GLRA2: variants seen among roughly 807,000 people sequenced by gnomAD.
The protein encoded by GLRA2 is glycine receptor alpha 2.
In GLRA2, 11 loss-of-function variants were observed where a neutral mutation model predicts 31.6. The ratio of observed to expected loss-of-function variants is 0.35; its 90% CI spans 0.22 to 0.58. GLRA2 has a LOEUF of 0.58. Ranked by LOEUF, GLRA2 falls within the 20% of genes least tolerant of loss-of-function variation. GLRA2 has a pLI of 0.84. For synonymous variants in GLRA2, 132 were observed against 134.0 expected, an observed-to-expected ratio of 0.99 and a Z score of 0.10; for missense variants, 212 against 351.8, an observed-to-expected ratio of 0.60 and a Z score of 3.18.
chrX:14,668,706 C>A (rs1364184442), intron 7 of GLRA2, among the ~76,000 whole-genome samples: 3 of 111,888 alleles, frequency 2.7e-5, no homozygotes, highest in Non-Finnish European at 5.6e-5. Flanking sequence ...TGTCGTGAGA[C>A]TTATTTACTA....
At chrX:14,679,984 T>A (rs1417723908) in intron 7 of GLRA2, among the ~76,000 whole-genome samples, 1 of 112,277 alleles carries the variant, frequency 8.9e-6, no homozygotes, top group Non-Finnish European at 1.9e-5. Flanking sequence ...AAATGTTTTC[T>A]GTAAAGAGCC....
At chrX:14,630,131 G>T (rs1381524220) in intron 7 of GLRA2, among the ~76,000 whole-genome samples, 1 of 111,465 alleles carries the variant, frequency 9.0e-6, no homozygotes, top group African/African-American at 3.3e-5. Context: ...GTACAAGTTT[G>T]CTGGCTGTAA....
chrX:14,716,184 C>T (rs898993930), intron 8 of GLRA2, among the ~76,000 whole-genome samples: 2 of 111,221 alleles, frequency 1.8e-5, no homozygotes, highest in African/African-American at 6.5e-5. Context: ...TATCAACCAG[C>T]TAGAGATTAG....
chrX:14,479,497 G>A, the GLRA2 span, among the ~76,000 whole-genome samples: 4 of 111,319 alleles, frequency 3.6e-5, no homozygotes, highest in African/African-American at 1.3e-4. Flanking sequence ...TCCAGGTACT[G>A]AGGATAGCAT....
chrX:14,462,477 C>T, the GLRA2 span, among the ~76,000 whole-genome samples: 4 of 111,962 alleles, frequency 3.6e-5, no homozygotes, highest in African/African-American at 1.3e-4. Context: ...GTCACTTTCA[C>T]GTACACCAAT....
At chrX:14,683,447 G>T (rs1444077388) in intron 7 of GLRA2, among the ~76,000 whole-genome samples, 1 of 110,948 alleles carries the variant, frequency 9.0e-6, no homozygotes, top group East Asian at 2.9e-4. Context: ...CTGGATATTA[G>T]CCCTTTGTCA....
At chrX:14,671,073 G>A (rs1327393479) in intron 7 of GLRA2, among the ~76,000 whole-genome samples, 2 of 111,876 alleles carry the variant, frequency 1.8e-5, no homozygotes, top group African/African-American at 6.5e-5. Flanking sequence ...AGTGATAGGT[G>A]TTAAATCATA....
At chrX:14,476,268 G>A in the GLRA2 span, among the ~76,000 whole-genome samples, 1 of 111,999 alleles carries the variant, frequency 8.9e-6, no homozygotes, top group African/African-American at 3.2e-5. Context: ...TCCATTTCCT[G>A]ATTGTTTTAT....
intron 2 of GLRA2, among the ~76,000 whole-genome samples, chrX:14,537,485 G>A (rs2089341597): frequency 9.0e-6 from 1 of 111,498 alleles, no homozygotes; most frequent in Non-Finnish European, 1.9e-5. Context: ...TAGAGTCAGT[G>A]TCACTCTTAC....
chrX:14,456,606 G>A, the GLRA2 span, among the ~76,000 whole-genome samples: 1 of 111,681 alleles, frequency 9.0e-6, no homozygotes, highest in Non-Finnish European at 1.9e-5. Flanking sequence ...GAGGACATGT[G>A]GTATTTAACT....
intron 7 of GLRA2, among the ~76,000 whole-genome samples, chrX:14,672,927 G>T (rs111658946): frequency 1.8e-5 from 2 of 111,306 alleles, no homozygotes; most frequent in Non-Finnish European, 3.8e-5. Flanking sequence ...AGAAGGGAAG[G>T]TGTCTGGCAA....
intron 7 of GLRA2, among the ~76,000 whole-genome samples, chrX:14,661,993 T>G (rs1225144184): frequency 2.7e-5 from 3 of 110,257 alleles, no homozygotes; most frequent in Non-Finnish European, 5.7e-5. Context: ...AAGCCTATGA[T>G]GTATTCAAAG....
At chrX:14,598,238 C>A (rs1427858549) in intron 4 of GLRA2, among the ~76,000 whole-genome samples, 1 of 111,854 alleles carries the variant, frequency 8.9e-6, no homozygotes, top group Non-Finnish European at 1.9e-5. Flanking sequence ...AATTAACTCT[C>A]CAAAAATAGC....
At chrX:14,467,751 A>AT in the GLRA2 span, among the ~76,000 whole-genome samples, 9 of 110,520 alleles carry the variant, frequency 8.1e-5, no homozygotes, top group African/African-American at 3.0e-4. Context: ...ATGAGTAGTG[A>AT]TTTTTTCACT....
intron 2 of GLRA2, among the ~76,000 whole-genome samples, chrX:14,540,495 C>A (rs977051201): frequency 1.8e-5 from 2 of 110,643 alleles, no homozygotes; most frequent in African/African-American, 3.3e-5. Context: ...AGCAAGGGAG[C>A]CCATTGATAC....
chrX:14,521,371 C>T, the GLRA2 span, among the ~76,000 whole-genome samples: 1 of 111,865 alleles, frequency 8.9e-6, no homozygotes, highest in Non-Finnish European at 1.9e-5. Flanking sequence ...TTCTCTCTCT[C>T]TCTCTCCCGA....
intron 4 of GLRA2, among the ~76,000 whole-genome samples, chrX:14,601,685 C>T (rs775079416): frequency 9.0e-6 from 1 of 111,613 alleles, no homozygotes; most frequent in Non-Finnish European, 1.9e-5. Flanking sequence ...TGATTGTCAG[C>T]GTGGATTCTT....
chrX:14,467,839 G>A, the GLRA2 span, among the ~76,000 whole-genome samples: 1 of 109,408 alleles, frequency 9.1e-6, no homozygotes. Flanking sequence ...GCATTAGTGT[G>A]TAAGGACCGA....
the GLRA2 span, among the ~76,000 whole-genome samples, chrX:14,515,936 TACTTGGGATCACCA>T: frequency 8.9e-6 from 1 of 112,068 alleles, no homozygotes; most frequent in South Asian, 3.7e-4. Flanking sequence ...CTATCAGAGA[TACTTGGGATCACCA>T]ACTTAAAATA....
Sources: gnomAD v4.1 joint callset for allele counts (sites outside exome capture counted in the v4.1 genomes callset) on GRCh38, gnomAD v4.1.1 for gene constraint, MANE v1.5 for transcripts, NCBI Gene and HGNC (gene_info 2026-07-23, HGNC 2026-07-21) for gene names.